RALGPS1: variants seen among roughly 807,000 people sequenced by gnomAD.
RALGPS1 encodes the protein ras-specific guanine nucleotide-releasing factor RalGPS1.
In RALGPS1, 19 loss-of-function variants were observed where a neutral mutation model predicts 78.8. That is an observed-to-expected ratio of 0.24 (90% confidence interval 0.17 to 0.35). RALGPS1 has a LOEUF of 0.35. Among genes scored for constraint, RALGPS1 ranks in the 10% least tolerant of loss-of-function variants. The pLI, the probability that RALGPS1 is intolerant of heterozygous loss-of-function variation, is 1.00. For synonymous variants in RALGPS1, 228 were observed against 256.3 expected (o/e 0.89, Z 1.06); for missense variants, 454 against 688.3 (o/e 0.66, Z 3.81).
chr9:127,130,510 C>T (rs1277566089), intron 8 of RALGPS1, among the ~76,000 whole-genome samples: 2 of 152,204 alleles, frequency 1.3e-5, no homozygotes, highest in Non-Finnish European at 2.9e-5. Flanking sequence ...AGCCTGACTA[C>T]TAATAGTCCT....
chr9:127,095,487 A>G (rs2053023410), intron 8 of RALGPS1, among the ~76,000 whole-genome samples: 1 of 152,250 alleles, frequency 6.6e-6, no homozygotes, highest in African/African-American at 2.4e-5. Flanking sequence ...GTTTTCTATC[A>G]ATTTGTATGT....
chr9:126,998,939 G>T (rs1428525132), intron 4 of RALGPS1, among the ~76,000 whole-genome samples: 1 of 143,718 alleles, frequency 7.0e-6, no homozygotes, highest in African/African-American at 2.6e-5. Flanking sequence ...AACACCGCAT[G>T]TTCTCACTTA....
chr9:127,157,134 C>T (rs1463472856), intron 8 of RALGPS1, among the ~76,000 whole-genome samples: 2 of 152,032 alleles, frequency 1.3e-5, no homozygotes, highest in Admixed American at 6.5e-5. Flanking sequence ...TAACAAGCCC[C>T]TCTCTTCATT....
chr9:126,960,535 C>T (rs560657227), intron 1 of RALGPS1, among the ~76,000 whole-genome samples: 1 of 152,126 alleles, frequency 6.6e-6, no homozygotes, highest in East Asian at 1.9e-4. Flanking sequence ...TGCCTGGCCA[C>T]CCCTGTTTCT....
chr9:127,108,482 C>G (rs1309279818), intron 8 of RALGPS1: 2 of 1,612,710 alleles, frequency 1.2e-6, no homozygotes, highest in South Asian at 1.1e-5. Flanking sequence ...TGCTTATGCA[C>G]TCGGTTCTCC....
chr9:127,012,563 A>G (rs1048819762), intron 4 of RALGPS1, among the ~76,000 whole-genome samples: 4 of 152,182 alleles, frequency 2.6e-5, no homozygotes, highest in African/African-American at 9.6e-5. Context: ...GGAAACCCCT[A>G]AGCTGCTGCT....
chr9:127,132,472 C>T (rs555553723), intron 8 of RALGPS1, among the ~76,000 whole-genome samples: 3 of 152,324 alleles, frequency 2.0e-5, no homozygotes, highest in South Asian at 4.1e-4. Flanking sequence ...TTCATTGACA[C>T]GATGGTGTGA....
intron 8 of RALGPS1, chr9:127,088,651 T>C: frequency 2.2e-6 from 1 of 464,586 alleles, no homozygotes; most frequent in Non-Finnish European, 3.9e-6. Context: ...TTTGCAGTTG[T>C]GTTTTTATTG....
intron 7 of RALGPS1, among the ~76,000 whole-genome samples, chr9:127,068,288 T>G (rs1208019686): frequency 6.6e-6 from 1 of 152,204 alleles, no homozygotes; most frequent in Non-Finnish European, 1.5e-5. Flanking sequence ...CTTGGCTTTG[T>G]ATACATGGGC....
Position 127,190,771 on chromosome 9 carries a change from A to T in RALGPS1, c.911-4320A>T, listed in dbSNP as rs79820163. Among the ~76,000 whole-genome samples, 833 of 152,302 alleles carry T rather than the reference A, an allele frequency of 5.5e-3. 26 individuals carry two copies. In the East Asian group the frequency reaches 0.088, roughly 16 times the overall value. ...TCTCTAGAGTAAAAACCTCAATTAG[A>T]ATCACCAGGTATAAAAGGCAGGGCA... is the stretch of plus-strand genomic sequence containing the variant. On this transcript the variant is annotated intron_variant, in intron 11 of 18. Coordinates refer to ENST00000259351, the MANE Select transcript of RALGPS1 (RefSeq NM_014636.3).
intron 1 of RALGPS1, among the ~76,000 whole-genome samples, chr9:126,920,440 C>A (rs2034636930): frequency 2.6e-5 from 4 of 152,128 alleles, no homozygotes; most frequent in Non-Finnish European, 5.9e-5. Flanking sequence ...GATGAGGAAG[C>A]AGAAAAATGG....
In RALGPS1 at chr9:127,091,522, T is replaced by G; in HGVS notation, c.610+22166T>G. ...GACCTGTGGGCAGGAGAAGGGACCC[T>G]CAGGGGGTGGTAACAGGGTCAGGCA... is the stretch of plus-strand genomic sequence containing the variant. On this transcript the variant is annotated intron_variant, in intron 8 of 18. Coordinates refer to ENST00000259351, the MANE Select transcript of RALGPS1 (RefSeq NM_014636.3). This position sits in a 1 kb window ranked among gnomAD's most constrained non-coding sequence, Gnocchi z 4.3. 1 of 1,108,572 alleles carries G rather than the reference T, an allele frequency of 9.0e-7. No homozygotes were observed. The highest frequency in any genetic ancestry group is 1.3e-6 in the Non-Finnish European group (1 of 776,726). The allele number at this position is 1,108,572 out of a possible 1,614,324, so 68.7% of individuals were successfully genotyped here. A position where few individuals can be genotyped will look rare whatever the true frequency, so the allele number is the denominator to read the frequency against.
intron 7 of RALGPS1, among the ~76,000 whole-genome samples, chr9:127,068,548 G>T (rs1471466978): frequency 6.6e-6 from 1 of 152,246 alleles, no homozygotes; most frequent in Non-Finnish European, 1.5e-5. Flanking sequence ...TAACTTCCAA[G>T]TGTGAGATTC....
At chr9:127,186,429 C>A (rs935088110) in intron 11 of RALGPS1, among the ~76,000 whole-genome samples, 1 of 152,216 alleles carries the variant, frequency 6.6e-6, no homozygotes, top group Non-Finnish European at 1.5e-5. Context: ...TTATGACCAC[C>A]CACACCCTTG....
chr9:127,045,316 T>C (rs1307192658), intron 5 of RALGPS1, among the ~76,000 whole-genome samples: 1 of 152,204 alleles, frequency 6.6e-6, no homozygotes, highest in Non-Finnish European at 1.5e-5. Flanking sequence ...ACAACCTCAC[T>C]GAGGACAGGG....
intron 3 of RALGPS1, among the ~76,000 whole-genome samples, chr9:126,970,094 G>A (rs564522610): frequency 7.2e-5 from 11 of 152,194 alleles, no homozygotes; most frequent in South Asian, 2.1e-4. Context: ...AGATGGTGGC[G>A]GCAGTAGCAT....
At chr9:127,089,061 G>A (rs1422212904) in intron 8 of RALGPS1, 6 of 1,614,072 alleles carry the variant, frequency 3.7e-6, no homozygotes, top group Non-Finnish European at 5.1e-6. Context: ...TGGCCCCCGC[G>A]GTACCAGACC....
intron 18 of RALGPS1, chr9:127,216,822 C>G: frequency 1.5e-6 from 2 of 1,306,968 alleles, no homozygotes; most frequent in Non-Finnish European, 2.0e-6. Flanking sequence ...ACTGGTCACA[C>G]CATGTGTGTC....
intron 10 of RALGPS1, among the ~76,000 whole-genome samples, chr9:127,171,832 G>T (rs1463916902): frequency 6.6e-6 from 1 of 152,088 alleles, no homozygotes; most frequent in East Asian, 1.9e-4. Flanking sequence ...TTTTAACTAG[G>T]TTTCCATTGT....
Sources: gnomAD v4.1 joint callset for allele counts (sites outside exome capture counted in the v4.1 genomes callset) on GRCh38, gnomAD v4.1.1 for gene constraint, Gnocchi (gnomAD v3.1) non-coding constraint, MANE v1.5 for transcripts, NCBI Gene and HGNC (gene_info 2026-07-23, HGNC 2026-07-21) for gene names.